Variants in SLC44A5 observed in about 807,000 individuals in gnomAD.
SLC44A5 encodes the protein solute carrier family 44 member 5.
In SLC44A5, 57 loss-of-function variants were observed where a neutral mutation model predicts 101.8. That is an observed-to-expected ratio of 0.56 (90% CI 0.45 to 0.70). SLC44A5 has a LOEUF of 0.70. Ranked by LOEUF, SLC44A5 falls within the 30% of genes least tolerant of loss-of-function variation. The pLI is 0.00. For synonymous variants in SLC44A5, 281 were observed against 290.9 expected (o/e 0.97, Z 0.35); for missense variants, 737 against 853.1 (o/e 0.86, Z 1.70).
the SLC44A5 span, among the ~76,000 whole-genome samples, chr1:75,629,383 T>G: frequency 2.6e-5 from 4 of 152,148 alleles, no homozygotes; most frequent in Admixed American, 2.0e-4. Flanking sequence ...GAATCTGGGC[T>G]CCATGTTGAT....
rs191696468 is a variant in SLC44A5 at position 75,404,466 on chromosome 1, C to T, written c.14-7845G>A. Reference sequence around the variant, plus strand: ...CCAGAGCAAAAGGTCAGGTTACCCACAAAGGTAAGCCCATCAGACTAACAG... The same window carrying T: ...CCAGAGCAAAAGGTCAGGTTACCCATAAAGGTAAGCCCATCAGACTAACAG... On this transcript the variant is annotated intron_variant, in intron 2 of 23. Coordinates refer to ENST00000370859, the MANE Select transcript of SLC44A5 (RefSeq NM_001130058.2). 4.1e-3 allele frequency among the ~76,000 whole-genome samples: 624 copies of T among 152,268 alleles called. 5 individuals are homozygous for T. The highest frequency in any genetic ancestry group is 7.2e-3 in the Non-Finnish European group (490 of 68,022).
At chr1:75,703,543 G>T in the SLC44A5 span, among the ~76,000 whole-genome samples, 15 of 151,936 alleles carry the variant, frequency 9.9e-5, no homozygotes, top group African/African-American at 3.4e-4. Context: ...GATAGCTTTA[G>T]GAGATATACC....
intron 2 of SLC44A5, among the ~76,000 whole-genome samples, chr1:75,466,173 T>C (rs1240269337): frequency 6.6e-6 from 1 of 152,190 alleles, no homozygotes; most frequent in African/African-American, 2.4e-5. Context: ...AAAAGGCCAT[T>C]TGTCATGACC....
At chr1:75,440,224 A>G (rs143842789) in intron 2 of SLC44A5, among the ~76,000 whole-genome samples, 8 of 152,292 alleles carry the variant, frequency 5.3e-5, no homozygotes, top group Non-Finnish European at 7.4e-5. Flanking sequence ...GAATAGTAGT[A>G]CCAAGAAAAA....
chr1:75,234,596 G>A (rs920457072), intron 11 of SLC44A5, among the ~76,000 whole-genome samples: 5 of 151,938 alleles, frequency 3.3e-5, no homozygotes, highest in African/African-American at 9.7e-5. Context: ...GGCCATCCCC[G>A]GAGCCCATAA....
intron 9 of SLC44A5, among the ~76,000 whole-genome samples, 196 bp downstream of exon 9, chr1:75,241,805 A>G (rs1378869710): frequency 6.6e-6 from 1 of 152,084 alleles, no homozygotes; most frequent in African/African-American, 2.4e-5. Context: ...AAAAATTCAG[A>G]GTTCCAGTGA....
At chr1:75,516,463 G>A (rs933999265) in intron 2 of SLC44A5, among the ~76,000 whole-genome samples, 2 of 152,156 alleles carry the variant, frequency 1.3e-5, no homozygotes, top group Non-Finnish European at 2.9e-5. Flanking sequence ...CTTGCAGTGA[G>A]CGGAGATCGC....
At chr1:75,471,026 A>G (rs1667078206) in intron 2 of SLC44A5, among the ~76,000 whole-genome samples, 2 of 152,172 alleles carry the variant, frequency 1.3e-5, no homozygotes, top group South Asian at 2.1e-4. Context: ...ACAAAACACA[A>G]CTATCTTCAA....
chr1:75,418,258 A>G (rs1168012203), intron 2 of SLC44A5, among the ~76,000 whole-genome samples: 2 of 152,224 alleles, frequency 1.3e-5, no homozygotes, highest in Admixed American at 6.5e-5. Context: ...TTGAATGTCT[A>G]CTATCTGCCA....
chr1:75,524,899 AC>A (rs1670331011), intron 2 of SLC44A5, among the ~76,000 whole-genome samples: 1 of 152,136 alleles, frequency 6.6e-6, no homozygotes, highest in African/African-American at 2.4e-5. Context: ...TGTTGAAATT[AC>A]AGCTGATGAT....
At chr1:75,359,289 C>T (rs1659316334) in intron 3 of SLC44A5, among the ~76,000 whole-genome samples, 2 of 135,282 alleles carry the variant, frequency 1.5e-5, no homozygotes, top group Admixed American at 8.2e-5. Context: ...GGCTGGAGTA[C>T]GGTGGCGTGA....
At chr1:75,603,239 T>C (rs1051697452) in intron 1 of SLC44A5, among the ~76,000 whole-genome samples, 1 of 152,160 alleles carries the variant, frequency 6.6e-6, no homozygotes, top group African/African-American at 2.4e-5. Flanking sequence ...TGGTATCTGA[T>C]TTTCTGATAC....
At chr1:75,249,669 T>G (rs1382147021) in intron 7 of SLC44A5, among the ~76,000 whole-genome samples, 2 of 152,222 alleles carry the variant, frequency 1.3e-5, no homozygotes, top group Non-Finnish European at 2.9e-5. Context: ...GTAATTCTAA[T>G]TTTTCTGTCC....
At chr1:75,493,581 A>T (rs1668528604) in intron 2 of SLC44A5, among the ~76,000 whole-genome samples, 1 of 152,236 alleles carries the variant, frequency 6.6e-6, no homozygotes, top group Non-Finnish European at 1.5e-5. Context: ...GTAGAGACTG[A>T]AAACACAATG....
chr1:75,332,747 T>C (rs1465333733), intron 4 of SLC44A5, among the ~76,000 whole-genome samples: 2 of 152,176 alleles, frequency 1.3e-5, no homozygotes, highest in African/African-American at 4.8e-5. Context: ...ATCCTGAGAT[T>C]CACTGACTCT....
chr1:75,302,614 T>TA (rs1270400608), intron 4 of SLC44A5, among the ~76,000 whole-genome samples: 1 of 152,160 alleles, frequency 6.6e-6, no homozygotes, highest in African/African-American at 2.4e-5. Flanking sequence ...AGACCTATGA[T>TA]AAAGTTTACT....
chr1:75,561,371 G>C (rs1206235905), intron 1 of SLC44A5, among the ~76,000 whole-genome samples: 1 of 151,920 alleles, frequency 6.6e-6, no homozygotes, highest in Non-Finnish European at 1.5e-5. Flanking sequence ...TTTTTTCATA[G>C]TATTTAATAC....
At chr1:75,496,873 G>A (rs186289476) in intron 2 of SLC44A5, among the ~76,000 whole-genome samples, 2 of 152,104 alleles carry the variant, frequency 1.3e-5, no homozygotes, top group East Asian at 3.9e-4. Context: ...CACTAAGTAT[G>A]TAAAAAGATG....
At chr1:75,489,203 C>T (rs1033663163) in intron 2 of SLC44A5, among the ~76,000 whole-genome samples, 26 of 151,704 alleles carry the variant, frequency 1.7e-4, no homozygotes, top group African/African-American at 5.1e-4. Context: ...TAAAAATAAG[C>T]CCAGAATTTA....
Sources: allele counts gnomAD v4.1 joint callset (sites outside exome capture counted in the v4.1 genomes callset), GRCh38; gene constraint gnomAD v4.1.1; transcripts MANE v1.5; gene names NCBI Gene and HGNC (gene_info 2026-07-23, HGNC 2026-07-21).